Variants in AVEN observed in about 807,000 individuals in gnomAD.
AVEN encodes cell death regulator Aven.
In AVEN, 41 loss-of-function variants were observed where a neutral mutation model predicts 38.1. That is an observed-to-expected ratio of 1.08 (90% CI 0.84 to 1.40). AVEN has a LOEUF of 1.40. Ranked by LOEUF, AVEN falls within the 40% of genes most tolerant of loss-of-function variation. The pLI, the probability that AVEN is intolerant of heterozygous loss-of-function variation, is 0.00. For missense variants in AVEN, 605 were observed against 438.8 expected, an observed-to-expected ratio of 1.38 and a Z score of -3.38; for synonymous variants, 206 against 171.8, an observed-to-expected ratio of 1.20 and a Z score of -1.56.
Position 33,990,199 on chromosome 15 carries a change from G to A in AVEN, c.445+12833C>T, listed in dbSNP as rs537464842. ...AGACTGGGCAACAGGGTGAGACTCC[G>A]TCTCAAAAAAAAACAAAACAAAACA... On this transcript the variant is annotated intron_variant, in intron 2 of 5. Transcript: ENST00000306730. 3.3e-5 allele frequency among the ~76,000 whole-genome samples: 5 copies of A among 151,420 alleles called. No individual in the cohort carries two copies. In the South Asian group the frequency reaches 1.0e-3, roughly 32 times the overall value.
chr15:33,922,809 G>T (rs190470384), intron 2 of AVEN, among the ~76,000 whole-genome samples: 1 of 152,148 alleles, frequency 6.6e-6, no homozygotes, highest in African/African-American at 2.4e-5. Flanking sequence ...CATGAAATAT[G>T]CTTTCTGCTT....
rs757494978 is a variant in AVEN, at chr15:33,867,751, C to A, written c.717G>T (p.Gly239=). Residue 239 remains glycine (G), a synonymous_variant, in exon 5 of 6, where the codon GGG becomes GGT. Coordinates refer to ENST00000306730, the MANE Select transcript of AVEN (RefSeq NM_020371.3). ...LKGPLGPGGR[G]PIFELKSVAA... ...CCACAGATTTCAGCTCAAAGATGGG[C>A]CCCCTTCCTCCAGGCCCCAAGGGCC... 2.5e-6 allele frequency: 4 copies of A among 1,614,174 alleles called. No individual in the cohort carries two copies. Among genetic ancestry groups the A allele is most frequent in the African/African-American group, 1.3e-5 (1 of 75,052 alleles).
exon 1 of AVEN, among the ~76,000 whole-genome samples, chr15:34,075,145 G>A (rs1900703308): frequency 7.5e-6 from 1 of 133,060 alleles, no homozygotes; most frequent in Non-Finnish European, 1.5e-5. Flanking sequence ...TCACGCCACT[G>A]CACTCCAGCC....
chr15:33,893,132 G>T (rs1021216936), intron 2 of AVEN, among the ~76,000 whole-genome samples: 13 of 152,072 alleles, frequency 8.5e-5, no homozygotes, highest in African/African-American at 2.9e-4. Context: ...GAGACAATGG[G>T]GTTTTCTAAA....
chr15:33,873,016 G>T (rs1161492018), intron 3 of AVEN, among the ~76,000 whole-genome samples: 1 of 151,472 alleles, frequency 6.6e-6, no homozygotes, highest in Non-Finnish European at 1.5e-5. Flanking sequence ...ATTCCCTTGA[G>T]GATTTTGGAC....
chr15:33,915,511 C>T (rs1893102478), intron 2 of AVEN, among the ~76,000 whole-genome samples: 1 of 152,178 alleles, frequency 6.6e-6, no homozygotes, highest in South Asian at 2.1e-4. Context: ...GCGGGAAGAG[C>T]CCTGTGGGCT....
intron 2 of AVEN, among the ~76,000 whole-genome samples, chr15:34,000,776 A>C (rs1308392756): frequency 6.6e-6 from 1 of 152,162 alleles, no homozygotes; most frequent in Non-Finnish European, 1.5e-5. Flanking sequence ...AAACTGATAA[A>C]TCAGCAACAG....
intron 1 of AVEN, among the ~76,000 whole-genome samples, chr15:34,038,565 C>A (rs1161681163): frequency 6.6e-6 from 1 of 151,772 alleles, no homozygotes; most frequent in African/African-American, 2.4e-5. Context: ...CGCGCCAGCC[C>A]GGCCAGGAGG....
downstream of AVEN, chr15:33,864,187 C>G (rs1225273407): frequency 6.2e-7 from 1 of 1,609,844 alleles, no homozygotes; most frequent in Non-Finnish European, 8.5e-7. Context: ...GCACACGGGT[C>G]AGGTGAGAAA....
chr15:34,061,765 G>T (rs1247702996), intron 5 of AVEN, among the ~76,000 whole-genome samples: 2 of 152,132 alleles, frequency 1.3e-5, no homozygotes, highest in African/African-American at 4.8e-5. Flanking sequence ...AGCAGCTGGG[G>T]CAAATGTAAA....
downstream of AVEN, chr15:33,854,804 C>T (rs996769654): frequency 1.2e-6 from 2 of 1,613,610 alleles, no homozygotes; most frequent in African/African-American, 2.7e-5. Context: ...CCATGTCAGT[C>T]CTGGGCCACT....
intron 4 of AVEN, 29 bp from the exon 5 acceptor site, chr15:33,867,884 A>C (rs1890732414): frequency 2.0e-6 from 3 of 1,532,014 alleles, no homozygotes; most frequent in Non-Finnish European, 1.7e-6. Flanking sequence ...AACTGAGTTA[A>C]AAATGTGAGT....
intron 1 of AVEN, among the ~76,000 whole-genome samples, chr15:34,034,891 A>C (rs1166283419): frequency 1.3e-5 from 2 of 152,194 alleles, no homozygotes; most frequent in Non-Finnish European, 2.9e-5. Flanking sequence ...TTTCTGGAAA[A>C]AAAGGAAAAT....
chr15:33,879,407 TGGGGGGA>T (rs1386675390), intron 2 of AVEN, among the ~76,000 whole-genome samples: 4 of 58,734 alleles, frequency 6.8e-5, no homozygotes, highest in Admixed American at 5.5e-4. Flanking sequence ...TGTTGTGGGG[TGGGGGGA>T]GGGGGGAGGG....
chr15:34,027,567 T>C (rs1278256409), intron 1 of AVEN, among the ~76,000 whole-genome samples: 2 of 149,574 alleles, frequency 1.3e-5, no homozygotes, highest in Admixed American at 6.7e-5. Flanking sequence ...GCCTCACAAC[T>C]ATGGTAACTG....
At chr15:33,930,749 AT>A (rs1893811258) in intron 2 of AVEN, among the ~76,000 whole-genome samples, 1 of 152,118 alleles carries the variant, frequency 6.6e-6, no homozygotes, top group Non-Finnish European at 1.5e-5. Context: ...AGGTCAGGAG[AT>A]TGAAACCATC....
At chr15:33,939,087 C>T (rs886600594) in intron 2 of AVEN, among the ~76,000 whole-genome samples, 3 of 152,162 alleles carry the variant, frequency 2.0e-5, no homozygotes, top group Non-Finnish European at 4.4e-5. Context: ...GTGATTCGCC[C>T]GCTTCAGCCT....
At position 34,036,566 on chromosome 15, in the gene AVEN, C is replaced by T. The variant is rs1027595137; in HGVS notation, c.267+2214G>A. ...AATGGTTAAGCACCAAAAATGGTGT[C>T]CTAGCAAGACTAAATACAAACAGTA... On this transcript the variant is annotated intron_variant, in intron 1 of 5. Coordinates refer to ENST00000306730, the MANE Select transcript of AVEN (RefSeq NM_020371.3). Among the ~76,000 whole-genome samples, 10 of 152,160 alleles carry T rather than the reference C, an allele frequency of 6.6e-5. No individual in the cohort carries two copies. The South Asian group carries it at 1.0e-3, about 16-fold the overall frequency.
rs557412600 is a variant in AVEN at position 33,974,575 on chromosome 15, G to C, written c.445+28457C>G. 4.6e-5 allele frequency among the ~76,000 whole-genome samples: 7 copies of C among 152,302 alleles called. No individual in the cohort carries two copies. The South Asian group carries it at 1.5e-3, about 32-fold the overall frequency. On this transcript the variant is annotated intron_variant, in intron 2 of 5. Coordinates refer to ENST00000306730, the MANE Select transcript of AVEN (RefSeq NM_020371.3). ...CTAGAATTCATCAACATGTGTGTTG[G>C]GGTGGGGGCAGCTATAGTCTGAAGA...
Sources: allele counts gnomAD v4.1 joint callset (sites outside exome capture counted in the v4.1 genomes callset), GRCh38; gene constraint gnomAD v4.1.1; transcripts MANE v1.5; gene names NCBI Gene and HGNC (gene_info 2026-07-23, HGNC 2026-07-21).